The following SORCS1 variants were observed in gnomAD, a reference collection of about 807,000 sequenced individuals.
The protein encoded by SORCS1 is VPS10 domain-containing receptor SorCS1.
A neutral mutation model predicts 146.1 loss-of-function variants in SORCS1; 60 were observed. That is an observed-to-expected ratio of 0.41 (90% confidence interval 0.33 to 0.51). The LOEUF (loss-of-function observed/expected upper bound fraction) is 0.51. Ranked by LOEUF, SORCS1 falls within the 20% of genes least tolerant of loss-of-function variation. The probability of loss-of-function intolerance (pLI) is 0.21; values close to 1 mark genes in which losing one functional copy is unlikely to be tolerated. For missense variants in SORCS1, 1,352 were observed against 1,487.6 expected (o/e 0.91, Z 1.50); for synonymous variants, 637 against 584.0 (o/e 1.09, Z -1.31).
intron 3 of SORCS1, among the ~76,000 whole-genome samples, chr10:106,818,171 C>T (rs1259359161): frequency 6.6e-6 from 1 of 152,122 alleles, no homozygotes; most frequent in Non-Finnish European, 1.5e-5. Flanking sequence ...ATCAATAGTT[C>T]TGACTGGCCA....
intron 19 of SORCS1, among the ~76,000 whole-genome samples, chr10:106,626,621 T>C (rs1357968336): frequency 2.0e-5 from 3 of 152,156 alleles, no homozygotes; most frequent in African/African-American, 7.2e-5. Flanking sequence ...ACAGTGCTTC[T>C]CCAATCCTTG....
intron 1 of SORCS1, among the ~76,000 whole-genome samples, chr10:107,012,101 T>A (rs969850445): frequency 6.6e-6 from 1 of 152,218 alleles, no homozygotes; most frequent in African/African-American, 2.4e-5. Context: ...CAGCAGATTT[T>A]TTTTCGTGAG....
At chr10:106,924,550 G>A (rs889995837) in intron 2 of SORCS1, among the ~76,000 whole-genome samples, 1 of 151,800 alleles carries the variant, frequency 6.6e-6, no homozygotes, top group Non-Finnish European at 1.5e-5. Context: ...CAAAACATAT[G>A]GAGGCAAAAG....
chr10:106,907,090 A>G (rs1175173878), intron 2 of SORCS1, among the ~76,000 whole-genome samples: 1 of 152,336 alleles, frequency 6.6e-6, no homozygotes, highest in East Asian at 1.9e-4. Context: ...ACTTGCCAGT[A>G]GATGCATATT....
At chr10:106,961,566 T>C (rs1013443933) in intron 1 of SORCS1, among the ~76,000 whole-genome samples, 2 of 152,138 alleles carry the variant, frequency 1.3e-5, no homozygotes, top group African/African-American at 4.8e-5. Flanking sequence ...CCACAGAAAG[T>C]GCGATGGAAG....
chr10:107,080,819 C>A (rs1963274276), intron 1 of SORCS1, among the ~76,000 whole-genome samples: 1 of 152,178 alleles, frequency 6.6e-6, no homozygotes, highest in East Asian at 1.9e-4. Flanking sequence ...CAACTGATCT[C>A]AATAAAATCT....
At chr10:106,866,424 G>T (rs576859397) in intron 2 of SORCS1, among the ~76,000 whole-genome samples, 7 of 152,296 alleles carry the variant, frequency 4.6e-5, no homozygotes, top group Non-Finnish European at 1.0e-4. Context: ...TCTCTCTGGG[G>T]TAGAGTCCCC....
At chr10:106,658,484 T>TA (rs990828327) in intron 17 of SORCS1, among the ~76,000 whole-genome samples, 27 of 150,908 alleles carry the variant, frequency 1.8e-4, no homozygotes, top group South Asian at 4.2e-4. Context: ...GCACTCACAA[T>TA]AAAAAAAAAG....
rs187289855 is a variant in SORCS1 at position 106,851,342 on chromosome 10, T to C, written c.627-21669A>G. ...TAGTTCTGCATTTTACATTTAGGTC[T>C]ATGATACATTTTGAGTTAATTTTTG... On this transcript the variant is annotated intron_variant, in intron 2 of 25. Transcript: ENST00000263054. 4.6e-5 allele frequency among the ~76,000 whole-genome samples: 7 copies of C among 152,360 alleles called. No individual in the cohort carries two copies. In the East Asian group the frequency reaches 1.2e-3, roughly 25 times the overall value.
chr10:106,806,379 AAAATAAAAATAAAAT>A (rs1947173332), intron 3 of SORCS1, among the ~76,000 whole-genome samples: 1 of 132,664 alleles, frequency 7.5e-6, no homozygotes, highest in African/African-American at 2.9e-5. Flanking sequence ...AAAATAAAAT[AAAATAAAAATAAAAT>A]AAAATAAAAT....
intron 1 of SORCS1, among the ~76,000 whole-genome samples, chr10:106,987,609 T>C (rs971142357): frequency 5.9e-5 from 9 of 152,160 alleles, no homozygotes; most frequent in African/African-American, 2.2e-4. Flanking sequence ...TGTATAAACA[T>C]AGTTCCCGCC....
chr10:107,141,578 C>T (rs1554961286), intron 1 of SORCS1, among the ~76,000 whole-genome samples: 1 of 152,170 alleles, frequency 6.6e-6, no homozygotes, highest in Non-Finnish European at 1.5e-5. Context: ...GTTATTATTA[C>T]TGTTCCTAGT....
At chr10:107,047,938 C>A (rs1349549367) in intron 1 of SORCS1, among the ~76,000 whole-genome samples, 2 of 151,996 alleles carry the variant, frequency 1.3e-5, no homozygotes, top group African/African-American at 4.8e-5. Flanking sequence ...CAAAGAGTAG[C>A]CAGGTGTAGT....
intron 2 of SORCS1, among the ~76,000 whole-genome samples, chr10:106,904,201 G>A (rs1420217787): frequency 6.6e-6 from 1 of 152,134 alleles, no homozygotes; most frequent in Non-Finnish European, 1.5e-5. Flanking sequence ...TTATCTTATA[G>A]GTGGTCATGG....
intron 3 of SORCS1, among the ~76,000 whole-genome samples, chr10:106,815,102 G>A (rs941894289): frequency 3.3e-5 from 5 of 151,922 alleles, no homozygotes; most frequent in Admixed American, 3.3e-4. Flanking sequence ...TGGGATACAG[G>A]TGCATGCCAC....
intron 2 of SORCS1, among the ~76,000 whole-genome samples, chr10:106,931,035 G>A (rs546798830): frequency 5.3e-5 from 8 of 152,272 alleles, no homozygotes; most frequent in Admixed American, 2.0e-4. Context: ...AATTATAGCC[G>A]TGTGATTCTG....
intron 17 of SORCS1, among the ~76,000 whole-genome samples, chr10:106,664,860 C>T (rs1851009917): frequency 6.6e-6 from 1 of 152,040 alleles, no homozygotes; most frequent in Non-Finnish European, 1.5e-5. Context: ...TGAGGGGTTT[C>T]CAATGCCCTT....
At chr10:107,050,089 A>T (rs1466621825) in intron 1 of SORCS1, among the ~76,000 whole-genome samples, 1 of 152,210 alleles carries the variant, frequency 6.6e-6, no homozygotes, top group Non-Finnish European at 1.5e-5. Context: ...AAAAGGTCTA[A>T]TCAGCCAAAA....
intron 2 of SORCS1, among the ~76,000 whole-genome samples, chr10:106,948,186 T>G (rs1216423963): frequency 2.6e-5 from 4 of 151,950 alleles, no homozygotes; most frequent in Admixed American, 2.6e-4. Flanking sequence ...ACTTTTTAGT[T>G]GAGTCACAAA....
Sources: allele counts gnomAD v4.1 joint callset (sites outside exome capture counted in the v4.1 genomes callset), GRCh38; gene constraint gnomAD v4.1.1; transcripts MANE v1.5; gene names NCBI Gene and HGNC (gene_info 2026-07-23, HGNC 2026-07-21).